The following PAH variants were observed in gnomAD, a reference collection of about 807,000 sequenced individuals.
PAH encodes phenylalanine hydroxylase.
In PAH, 64 loss-of-function variants were observed where a neutral mutation model predicts 62.0. The observed-to-expected ratio is 1.03, with a 90% CI of 0.84 to 1.27. The LOEUF is 1.27. Ranked by LOEUF, PAH falls within the 50% of genes most tolerant of loss-of-function variation. PAH has a pLI of 0.00. For synonymous variants in PAH, 195 were observed against 196.2 expected (o/e 0.99, Z 0.05); for missense variants, 579 against 542.8 (o/e 1.07, Z -0.66).
chr12:102,843,512 A>G (rs1874675638), intron 11 of PAH, 134 bp downstream of exon 11: 5 of 902,048 alleles, frequency 5.5e-6, no homozygotes, highest in Admixed American at 2.0e-5. Flanking sequence ...GGTGGAGAAC[A>G]TGGGAGAGAA....
chr12:102,954,741 C>T (rs1879863794), upstream of PAH, among the ~76,000 whole-genome samples: 1 of 152,156 alleles, frequency 6.6e-6, no homozygotes, highest in African/African-American at 2.4e-5. Flanking sequence ...CCTGAGCCTC[C>T]CATCTTTTGC....
intron 5 of PAH, among the ~76,000 whole-genome samples, chr12:102,864,393 C>A (rs1475862889): frequency 6.6e-6 from 1 of 152,076 alleles, no homozygotes; most frequent in Non-Finnish European, 1.5e-5. Context: ...CGCAGTATCC[C>A]CTTTATGCAG....
intron 2 of PAH, among the ~76,000 whole-genome samples, chr12:102,895,903 T>A (rs1018871316): frequency 3.4e-5 from 5 of 146,430 alleles, no homozygotes; most frequent in Non-Finnish European, 6.0e-5. Flanking sequence ...TATATAAAAT[T>A]ACTTTCCATT....
intron 1 of PAH, among the ~76,000 whole-genome samples, chr12:102,941,840 C>T (rs1034844055): frequency 4.6e-5 from 7 of 152,154 alleles, no homozygotes; most frequent in African/African-American, 1.7e-4. Flanking sequence ...ACATGATCTT[C>T]TCAATAGATG....
At chr12:102,892,466 C>T (rs1877316402) in intron 3 of PAH, among the ~76,000 whole-genome samples, 1 of 152,172 alleles carries the variant, frequency 6.6e-6, no homozygotes, top group Admixed American at 6.5e-5. Flanking sequence ...AACTTATCTT[C>T]ACACAAAAAA....
At chr12:102,853,006 C>T (rs529815654) in intron 6 of PAH, 56 bp from the exon 7 acceptor site, 6 of 1,597,934 alleles carry the variant, frequency 3.8e-6, no homozygotes, top group Non-Finnish European at 5.1e-6. Flanking sequence ...GTCAGAGGCA[C>T]TAGGAGACCT....
chr12:102,882,301 C>G (rs1052308901), intron 3 of PAH, among the ~76,000 whole-genome samples: 1 of 152,160 alleles, frequency 6.6e-6, no homozygotes, highest in Non-Finnish European at 1.5e-5. Context: ...CATGAATAGT[C>G]AGTCCAGCAA....
intron 1 of PAH, chr12:102,914,051 C>T (rs1363794862): frequency 1.9e-6 from 1 of 513,116 alleles, no homozygotes; most frequent in African/African-American, 1.9e-5. Context: ...CTCTTAGTGA[C>T]TCAGAATAAC....
chr12:102,838,978 C>T lies in PAH; in HGVS notation c.*197G>A. 2 of 601,378 alleles carry T rather than the reference C, an allele frequency of 3.3e-6. No individual in the cohort carries two copies. The highest frequency in any genetic ancestry group is 2.8e-5 in the East Asian group (1 of 35,910). 37.3% of individuals were successfully genotyped at this position (601,378 alleles called of 1,614,324 possible). A position where few individuals can be genotyped will look rare whatever the true frequency, so the allele number is the denominator to read the frequency against. ...ATCAAAGATGACCCCAAAAGATTTA[C>T]CATTATGCTCTTGAGTATGTACTCA... On this transcript the variant is annotated 3_prime_UTR_variant, in exon 13 of 13. Transcript: ENST00000553106.
chr12:102,855,176 ATCT>A lies in PAH; in HGVS notation c.663_665del (p.Glu221del). Reference sequence around the variant, plus strand: ...AAACGTCTTCCAGCTGGGGAATGTTATCTTCATGGAAGCCACAGTACTTTTCAA... The same window carrying A: ...AAACGTCTTCCAGCTGGGGAATGTTATCATGGAAGCCACAGTACTTTTCAA... On this transcript the variant is annotated inframe_deletion, in exon 6 of 13. Transcript: ENST00000553106. 6.2e-7 allele frequency: 1 copy of A among 1,614,190 alleles called. No homozygotes were observed. Among genetic ancestry groups the A allele is most frequent in the South Asian group, 1.1e-5 (1 of 91,086 alleles).
intron 1 of PAH, among the ~76,000 whole-genome samples, chr12:102,939,672 G>C (rs1205681928): frequency 6.6e-6 from 1 of 152,198 alleles, no homozygotes; most frequent in Non-Finnish European, 1.5e-5. Context: ...TAACCATGCA[G>C]GGCCCCCAGT....
intron 1 of PAH, among the ~76,000 whole-genome samples, chr12:102,949,049 C>A (rs1879625075): frequency 6.6e-6 from 1 of 152,132 alleles, no homozygotes; most frequent in African/African-American, 2.4e-5. Flanking sequence ...GAACGACCCA[C>A]ACAACTCGCA....
At chr12:102,876,382 AC>A (rs1876565368) in intron 4 of PAH, among the ~76,000 whole-genome samples, 2 of 152,214 alleles carry the variant, frequency 1.3e-5, no homozygotes, top group Non-Finnish European at 2.9e-5. Context: ...CTCAGGACTC[AC>A]AGTTTAGCAC....
In PAH at chr12:102,928,802, C is replaced by T. The variant is rs367670137; in HGVS notation, c.-95-11577G>A. 1.2e-4 allele frequency among the ~76,000 whole-genome samples: 18 copies of T among 152,218 alleles called. No homozygotes were observed. In the South Asian group the frequency reaches 3.7e-3, roughly 32 times the overall value. On this transcript the variant is annotated intron_variant, in intron 1 of 3. Coordinates refer to the PAH transcript ENST00000546844. ...GCTGAGGTCTAGGGCTAAGGAGACACTTGGGGGACTAGACATGAGATCCAC... is the reference window on the plus strand; with the variant it reads ...GCTGAGGTCTAGGGCTAAGGAGACATTTGGGGGACTAGACATGAGATCCAC...
intron 3 of PAH, among the ~76,000 whole-genome samples, chr12:102,885,477 C>G (rs1282969503): frequency 1.3e-5 from 2 of 152,204 alleles, no homozygotes; most frequent in African/African-American, 2.4e-5. Flanking sequence ...ATGACTTGGG[C>G]AGGCTGGGGC....
chr12:102,880,599 A>C (rs1309871517), intron 3 of PAH, among the ~76,000 whole-genome samples: 5 of 152,184 alleles, frequency 3.3e-5, no homozygotes, highest in Admixed American at 2.0e-4. Context: ...TTCTTGCTGC[A>C]ACCCCTTCTT....
At chr12:102,893,261 G>T (rs752029157) in intron 3 of PAH, among the ~76,000 whole-genome samples, 1 of 152,048 alleles carries the variant, frequency 6.6e-6, no homozygotes, top group Non-Finnish European at 1.5e-5. Flanking sequence ...TTAGCCAGGC[G>T]TGGTGGGGCA....
intron 8 of PAH, among the ~76,000 whole-genome samples, chr12:102,851,108 G>T (rs1480488462): frequency 6.8e-6 from 1 of 147,830 alleles, no homozygotes; most frequent in Admixed American, 6.7e-5. Context: ...AAAAAAGAAA[G>T]AAAAAGAAAA....
chr12:102,902,725 G>C (rs111372648), intron 2 of PAH, among the ~76,000 whole-genome samples: 6 of 152,202 alleles, frequency 3.9e-5, no homozygotes, highest in Non-Finnish European at 7.3e-5. Flanking sequence ...CCCCACTCTA[G>C]TCTGGAGGAG....
Sources: gnomAD v4.1 joint callset for allele counts (sites outside exome capture counted in the v4.1 genomes callset) on GRCh38, gnomAD v4.1.1 for gene constraint, MANE v1.5 for transcripts, NCBI Gene and HGNC (gene_info 2026-07-23, HGNC 2026-07-21) for gene names.